The following KDM4C variants were observed in gnomAD, a reference collection of about 807,000 sequenced individuals.
KDM4C encodes the protein lysine-specific demethylase 4C.
A neutral mutation model predicts 129.3 loss-of-function variants in KDM4C; 81 were observed. The ratio of observed to expected loss-of-function variants is 0.63; its 90% CI spans 0.52 to 0.75. KDM4C has a LOEUF of 0.75. Ranked by LOEUF, KDM4C falls within the 30% of genes least tolerant of loss-of-function variation. The probability of loss-of-function intolerance (pLI) is 0.00; values close to 1 mark genes in which losing one functional copy is unlikely to be tolerated. For missense variants in KDM4C, 1,457 were observed against 1,304.0 expected, an observed-to-expected ratio of 1.12 and a Z score of -1.81; for synonymous variants, 573 against 456.1, an observed-to-expected ratio of 1.26 and a Z score of -3.26.
intron 2 of KDM4C, 113 bp downstream of exon 2, chr9:6,793,245 T>C: frequency 9.7e-7 from 1 of 1,032,882 alleles, no homozygotes; most frequent in Non-Finnish European, 1.4e-6. Flanking sequence ...GCAAAATCTT[T>C]GTTCTCGTTA....
At chr9:7,109,852 A>G (rs530411677) in intron 18 of KDM4C, among the ~76,000 whole-genome samples, 23 of 152,302 alleles carry the variant, frequency 1.5e-4, no homozygotes, top group African/African-American at 5.5e-4. Flanking sequence ...ATCTTGAATT[A>G]TAACCCCCAT....
intron 12 of KDM4C, among the ~76,000 whole-genome samples, chr9:6,999,357 A>G (rs1820356652): frequency 6.6e-6 from 1 of 152,286 alleles, no homozygotes; most frequent in Non-Finnish European, 1.5e-5. Flanking sequence ...AGTATTAAAT[A>G]TAAATGTTAT....
chr9:6,790,411 AT>A (rs544879618), intron 1 of KDM4C, among the ~76,000 whole-genome samples: 211 of 141,766 alleles, frequency 1.5e-3, no homozygotes, highest in East Asian at 2.1e-3. Context: ...CACCTGGCTA[AT>A]TTTTTTTTTT....
intron 8 of KDM4C, among the ~76,000 whole-genome samples, chr9:6,974,440 A>G (rs1025179315): frequency 6.6e-6 from 1 of 152,180 alleles, no homozygotes; most frequent in East Asian, 1.9e-4. Context: ...GCTCACTGCA[A>G]CCTACGCCTC....
intron 4 of KDM4C, among the ~76,000 whole-genome samples, chr9:6,837,546 T>C (rs60466345): frequency 0.06 from 9,199 of 152,300 alleles, 377 homozygotes; most frequent in East Asian, 0.15. Flanking sequence ...CTTGATGTCA[T>C]TCTTGTGCCT....
At chr9:7,008,807 G>A (rs1269772973) in intron 12 of KDM4C, among the ~76,000 whole-genome samples, 4 of 152,234 alleles carry the variant, frequency 2.6e-5, no homozygotes, top group African/African-American at 7.2e-5. Flanking sequence ...GCAGACACAA[G>A]GCCGGAGGAT....
intron 8 of KDM4C, among the ~76,000 whole-genome samples, chr9:6,917,063 A>G (rs768047599): frequency 1.3e-5 from 2 of 152,258 alleles, no homozygotes; most frequent in Non-Finnish European, 2.9e-5. Context: ...GAGTTAAAAT[A>G]TCGTTTATAT....
At chr9:7,101,621 C>A (rs1428908998) in intron 17 of KDM4C, among the ~76,000 whole-genome samples, 2 of 152,202 alleles carry the variant, frequency 1.3e-5, no homozygotes, top group African/African-American at 4.8e-5. Context: ...CAAGTCCCTC[C>A]TTAGGTTCCA....
At chr9:7,005,559 T>G (rs1348652384) in intron 12 of KDM4C, among the ~76,000 whole-genome samples, 2 of 152,144 alleles carry the variant, frequency 1.3e-5, no homozygotes, top group Non-Finnish European at 2.9e-5. Flanking sequence ...TCAGCCAGAT[T>G]TATTACCGAA....
intron 1 of KDM4C, among the ~76,000 whole-genome samples, chr9:6,748,220 G>A (rs553398964): frequency 2.0e-4 from 29 of 148,702 alleles, no homozygotes; most frequent in Non-Finnish European, 3.7e-4. Context: ...AAAAACAACA[G>A]GAATTGGCTG....
intron 17 of KDM4C, among the ~76,000 whole-genome samples, chr9:7,056,665 T>A (rs1352515174): frequency 6.6e-6 from 1 of 152,242 alleles, no homozygotes; most frequent in Non-Finnish European, 1.5e-5. Flanking sequence ...ATTTTCAGTT[T>A]TGAAGTCATT....
At chr9:7,122,862 A>G (rs1839650343) in intron 18 of KDM4C, among the ~76,000 whole-genome samples, 1 of 152,206 alleles carries the variant, frequency 6.6e-6, no homozygotes, top group Non-Finnish European at 1.5e-5. Flanking sequence ...TAATCTTCAG[A>G]ACACCATAGC....
intron 5 of KDM4C, among the ~76,000 whole-genome samples, chr9:6,867,198 T>C (rs772599849): frequency 2.0e-5 from 3 of 151,926 alleles, no homozygotes; most frequent in African/African-American, 7.3e-5. Context: ...TGTATTTTAG[T>C]AGAGACGGGG....
chr9:6,964,604 A>G (rs1830579651), intron 8 of KDM4C, among the ~76,000 whole-genome samples: 1 of 151,898 alleles, frequency 6.6e-6, no homozygotes, highest in South Asian at 2.1e-4. Context: ...ACACGGTGAA[A>G]CCCCATCTCT....
intron 4 of KDM4C, chr9:6,835,383 C>T: frequency 1.8e-6 from 2 of 1,113,150 alleles, no homozygotes; most frequent in Admixed American, 3.4e-5. Flanking sequence ...GCGTTGCCAA[C>T]AGGATGCAGA....
At chr9:7,017,009 C>T (rs1259060666) in intron 15 of KDM4C, among the ~76,000 whole-genome samples, 1 of 152,002 alleles carries the variant, frequency 6.6e-6, no homozygotes, top group East Asian at 1.9e-4. Flanking sequence ...AATCATGGCT[C>T]ACCACAGTCT....
chr9:7,106,830 T>C (rs1349814221), intron 18 of KDM4C, among the ~76,000 whole-genome samples: 1 of 152,202 alleles, frequency 6.6e-6, no homozygotes, highest in Admixed American at 6.5e-5. Flanking sequence ...TCATTGTTTG[T>C]TGAGCTTTGG....
chr9:7,081,988 ATC>A lies in KDM4C; in HGVS notation c.2425-21695_2425-21694del, dbSNP rs747824137. Among the ~76,000 whole-genome samples, 175 of 152,184 alleles carry A rather than the reference ATC, an allele frequency of 1.1e-3. 1 individual carries two copies. The highest frequency in any genetic ancestry group is 2.0e-3 in the Non-Finnish European group (134 of 68,040). ...TTAGAAAGGTGTTTTGGTGGTCGAT[ATC>A]TAGATATCAGGTGTTTTCCACTTAG... On this transcript the variant is annotated intron_variant, in intron 17 of 21. Transcript: ENST00000381309.
chr9:6,985,654 A>G (rs1055918596), intron 10 of KDM4C, among the ~76,000 whole-genome samples: 4 of 152,206 alleles, frequency 2.6e-5, no homozygotes, highest in African/African-American at 9.6e-5. Context: ...GAGTTAGGCA[A>G]TACATATGGA....
Sources: gnomAD v4.1 joint callset for allele counts (sites outside exome capture counted in the v4.1 genomes callset) on GRCh38, gnomAD v4.1.1 for gene constraint, MANE v1.5 for transcripts, NCBI Gene and HGNC (gene_info 2026-07-23, HGNC 2026-07-21) for gene names.